Variants in MYO3B observed in about 807,000 individuals in gnomAD.
The protein encoded by MYO3B is myosin-IIIb.
A neutral mutation model predicts 174.6 loss-of-function variants in MYO3B; 156 were observed. The ratio of observed to expected loss-of-function variants is 0.89; its 90% CI spans 0.78 to 1.02. MYO3B has a LOEUF of 1.02. Ranked by LOEUF, MYO3B falls within the 50% of genes least tolerant of loss-of-function variation. MYO3B has a pLI of 0.00. For missense variants in MYO3B, 1,632 were observed against 1,639.4 expected, an observed-to-expected ratio of 1.00 and a Z score of 0.08; for synonymous variants, 563 against 569.1, an observed-to-expected ratio of 0.99 and a Z score of 0.15.
At chr2:170,511,241 T>G (rs1168839199) in intron 28 of MYO3B, among the ~76,000 whole-genome samples, 3 of 150,962 alleles carry the variant, frequency 2.0e-5, no homozygotes, top group Non-Finnish European at 4.4e-5. Flanking sequence ...TTTTTTTTTG[T>G]ATTTTTAGTA....
At chr2:170,651,986 A>T (rs1699043235) in intron 33 of MYO3B, 122 bp from the exon 34 acceptor site, 1 of 1,150,828 alleles carries the variant, frequency 8.7e-7, no homozygotes, top group African/African-American at 1.5e-5. Flanking sequence ...TGATCAAAAA[A>T]AATTATGCTG....
Position 170,207,516 on chromosome 2 carries a change from G to A in MYO3B, c.322-6863G>A, listed in dbSNP as rs2092725304. Among the ~76,000 whole-genome samples the A allele has an allele frequency of 2.0e-5, 3 of 152,064 alleles. No homozygotes were observed. The South Asian group carries it at 6.2e-4, about 32-fold the overall frequency. Reference sequence around the variant, plus strand: ...TTTTACCTTTCTGCCATCGTGTCAGGCTTTTGGGTTCCCTTCCCCTGAGCG... The same window carrying A: ...TTTTACCTTTCTGCCATCGTGTCAGACTTTTGGGTTCCCTTCCCCTGAGCG... On this transcript the variant is annotated intron_variant, in intron 3 of 34. Coordinates refer to ENST00000408978, the MANE Select transcript of MYO3B (RefSeq NM_138995.5).
intron 3 of MYO3B, among the ~76,000 whole-genome samples, chr2:170,207,766 C>A (rs1329427046): frequency 6.6e-6 from 1 of 151,848 alleles, no homozygotes; most frequent in Non-Finnish European, 1.5e-5. Context: ...AGATGAATGG[C>A]TACTCATCTA....
chr2:170,396,705 A>G (rs1271305838), intron 16 of MYO3B, among the ~76,000 whole-genome samples: 1 of 152,138 alleles, frequency 6.6e-6, no homozygotes, highest in Non-Finnish European at 1.5e-5. Flanking sequence ...CAACGGGGCA[A>G]GATGCTGGTT....
chr2:170,649,942 G>A (rs1009315476), intron 32 of MYO3B: 8 of 146,070 alleles, frequency 5.5e-5, no homozygotes, highest in Non-Finnish European at 1.0e-4. Flanking sequence ...GATCTGAGAT[G>A]AGCCATTCAA....
chr2:170,502,310 G>T (rs1398216707), intron 28 of MYO3B, among the ~76,000 whole-genome samples: 1 of 152,184 alleles, frequency 6.6e-6, no homozygotes, highest in African/African-American at 2.4e-5. Context: ...GGTTAAAAAG[G>T]TCCAGAAGGT....
intron 6 of MYO3B, among the ~76,000 whole-genome samples, chr2:170,227,333 G>A (rs1437325430): frequency 6.6e-6 from 1 of 152,168 alleles, no homozygotes; most frequent in African/African-American, 2.4e-5. Context: ...CATCCAGGCT[G>A]GAGTGTGGTG....
intron 8 of MYO3B, among the ~76,000 whole-genome samples, chr2:170,359,066 C>G (rs1349781035): frequency 1.3e-5 from 2 of 152,004 alleles, no homozygotes; most frequent in African/African-American, 4.8e-5. Flanking sequence ...TTCAAGAAAC[C>G]AGGGTAATGA....
chr2:170,520,444 T>TAC (rs1688603841), intron 30 of MYO3B, among the ~76,000 whole-genome samples: 1 of 149,482 alleles, frequency 6.7e-6, no homozygotes, highest in South Asian at 2.2e-4. Context: ...TGTATATATA[T>TAC]ACACATATAT....
At chr2:170,533,425 T>TGGG (rs10706524) in intron 30 of MYO3B, among the ~76,000 whole-genome samples, 5 of 115,644 alleles carry the variant, frequency 4.3e-5, no homozygotes, top group South Asian at 2.8e-4. Flanking sequence ...TTTGTGGGGG[T>TGGG]GGGGGGGGGG....
chr2:170,260,251 A>C (rs2093335468), intron 7 of MYO3B, among the ~76,000 whole-genome samples: 3 of 152,252 alleles, frequency 2.0e-5, no homozygotes, highest in African/African-American at 7.2e-5. Flanking sequence ...TCTACCAAAA[A>C]GACACATGTG....
At chr2:170,335,310 C>A in intron 7 of MYO3B, 75 bp from the exon 8 acceptor site, 2 of 1,081,362 alleles carry the variant, frequency 1.8e-6, no homozygotes, top group Non-Finnish European at 2.8e-6. Context: ...AGAATGATAT[C>A]AATAAAAACA....
At chr2:170,378,386 A>G (rs545905113) in intron 9 of MYO3B, among the ~76,000 whole-genome samples, 1 of 152,330 alleles carries the variant, frequency 6.6e-6, no homozygotes, top group East Asian at 1.9e-4. Flanking sequence ...GAAGTCTTGC[A>G]TCTACATCCA....
intron 19 of MYO3B, 92 bp downstream of exon 19, chr2:170,403,087 A>C: frequency 7.9e-7 from 1 of 1,263,410 alleles, no homozygotes; most frequent in Non-Finnish European, 1.1e-6. Context: ...TAGACTAACA[A>C]CTAAAAGACC....
At chr2:170,400,421 A>G in intron 17 of MYO3B, 107 bp downstream of exon 17, 1 of 778,760 alleles carries the variant, frequency 1.3e-6, no homozygotes, top group Middle Eastern at 3.3e-4. Flanking sequence ...TTTTTTTTTT[A>G]TCGAGATGGA....
At chr2:170,288,374 T>G (rs1367976300) in intron 7 of MYO3B, among the ~76,000 whole-genome samples, 1 of 152,072 alleles carries the variant, frequency 6.6e-6, no homozygotes, top group Non-Finnish European at 1.5e-5. Flanking sequence ...TATCTTTCCA[T>G]GTTTTTGGTA....
At chr2:170,235,308 A>G (rs1161248152) in intron 6 of MYO3B, among the ~76,000 whole-genome samples, 1 of 152,206 alleles carries the variant, frequency 6.6e-6, no homozygotes, top group African/African-American at 2.4e-5. Context: ...CTGACTCAAA[A>G]AGTTGATAAA....
chr2:170,644,195 T>C (rs1698196551), intron 32 of MYO3B, among the ~76,000 whole-genome samples: 2 of 152,266 alleles, frequency 1.3e-5, no homozygotes, highest in South Asian at 2.1e-4. Flanking sequence ...AAATAACCAA[T>C]CATTTTTTAA....
chr2:170,458,370 CAGCT>C (rs1040324823), intron 23 of MYO3B, among the ~76,000 whole-genome samples: 1 of 152,198 alleles, frequency 6.6e-6, no homozygotes, highest in Non-Finnish European at 1.5e-5. Flanking sequence ...CATGGCCACA[CAGCT>C]AGCAAGAATT....
Sources: allele counts gnomAD v4.1 joint callset (sites outside exome capture counted in the v4.1 genomes callset), GRCh38; gene constraint gnomAD v4.1.1; transcripts MANE v1.5; gene names NCBI Gene and HGNC (gene_info 2026-07-23, HGNC 2026-07-21).